Variants in CAGE1 observed in about 807,000 individuals in gnomAD.
CAGE1 encodes cancer antigen 1.
A neutral mutation model predicts 94.9 loss-of-function variants in CAGE1; 66 were observed. The ratio of observed to expected loss-of-function variants is 0.70; its 90% CI spans 0.57 to 0.85. The LOEUF is 0.85. CAGE1 is among the 40% of genes least tolerant of loss of function. CAGE1 has a pLI of 0.00. For synonymous variants in CAGE1, 319 were observed against 321.0 expected (o/e 0.99, Z 0.07); for missense variants, 865 against 950.4 (o/e 0.91, Z 1.18).
chr6:7,375,302 G>T (rs1209105872), intron 4 of CAGE1, among the ~76,000 whole-genome samples: 1 of 151,402 alleles, frequency 6.6e-6, no homozygotes, highest in Non-Finnish European at 1.5e-5. Flanking sequence ...CCAGCTACTC[G>T]GGAGGCTGAG....
chr6:7,372,998 C>A, intron 5 of CAGE1, 75 bp downstream of exon 5: 3 of 1,016,694 alleles, frequency 3.0e-6, no homozygotes, highest in African/African-American at 3.2e-5. Flanking sequence ...ATAAGTGCCA[C>A]GTCTAAATAC....
chr6:7,358,025 G>GAGATATAGATAT (rs1377236818), intron 9 of CAGE1, among the ~76,000 whole-genome samples: 4 of 20,300 alleles, frequency 2.0e-4, no homozygotes, highest in African/African-American at 6.3e-4. Context: ...GGTAAGTTTT[G>GAGATATAGATAT]AGATATATAT....
chr6:7,336,278 G>A (rs1377454862), intron 11 of CAGE1, among the ~76,000 whole-genome samples: 1 of 152,216 alleles, frequency 6.6e-6, no homozygotes, highest in East Asian at 1.9e-4. Context: ...TTTTCCAAGT[G>A]TGCAACATAG....
intron 11 of CAGE1, among the ~76,000 whole-genome samples, chr6:7,348,102 T>C (rs2147704): frequency 1 from 152,235 of 152,252 alleles, 76,109 homozygotes; most frequent in Middle Eastern, 1. Context: ...TGCCACCTCC[T>C]CACAGGAGGC....
chr6:7,329,372 T>C (rs928090243), intron 13 of CAGE1: 10 of 338,626 alleles, frequency 3.0e-5, no homozygotes, highest in Non-Finnish European at 5.3e-5. Context: ...TAAGACTGGA[T>C]AGGAGGGCTG....
rs1196705306 is a variant in CAGE1 at position 7,373,574 on chromosome 6, A to C, written c.1245T>G (p.Ala415=). The C allele has an allele frequency of 1.9e-6, 3 of 1,613,392 alleles. No individual in the cohort carries two copies. The East Asian group carries it at 6.7e-5, about 36-fold the overall frequency. Residue 415 remains alanine, a synonymous_variant, in exon 5 of 14, where the codon GCT becomes GCG. Transcript: ENST00000502583. ...ACCTTTCCTGTAAACACACATAATT[A>C]GCCTTGATCTTCTTAAATTGAAGCT... ...MLQLQFKKIK[A]NYVCLQERYM...
intron 13 of CAGE1, among the ~76,000 whole-genome samples, chr6:7,328,930 A>G (rs1457593328): frequency 1.2e-5 from 1 of 85,588 alleles, no homozygotes; most frequent in East Asian, 3.8e-4. Flanking sequence ...ATATATATAT[A>G]TATATTTTTT....
intron 9 of CAGE1, among the ~76,000 whole-genome samples, 164 bp downstream of exon 9, chr6:7,365,304 C>G (rs1760288117): frequency 6.6e-6 from 1 of 152,156 alleles, no homozygotes; most frequent in Non-Finnish European, 1.5e-5. Flanking sequence ...CCCCAAAATG[C>G]AAACTTCGAT....
intron 3 of CAGE1, among the ~76,000 whole-genome samples, chr6:7,384,539 G>A (rs1469263386): frequency 6.6e-6 from 1 of 152,110 alleles, no homozygotes; most frequent in Non-Finnish European, 1.5e-5. Flanking sequence ...CACCGAGGCA[G>A]GAGACTCACT....
chr6:7,383,658 T>C (rs765273269), intron 3 of CAGE1, among the ~76,000 whole-genome samples: 60 of 152,336 alleles, frequency 3.9e-4, no homozygotes, highest in Non-Finnish European at 6.9e-4. Context: ...CAAAATTGTA[T>C]TGGGTATTTT....
intron 11 of CAGE1, among the ~76,000 whole-genome samples, chr6:7,342,561 G>A (rs1204900951): frequency 1.3e-5 from 2 of 152,178 alleles, no homozygotes; most frequent in Non-Finnish European, 2.9e-5. Context: ...CTCTGTCTCT[G>A]TTTTCACTTA....
intron 1 of CAGE1, among the ~76,000 whole-genome samples, 200 bp downstream of exon 1, chr6:7,389,002 G>C (rs1202348589): frequency 1.3e-5 from 2 of 152,150 alleles, no homozygotes; most frequent in Admixed American, 6.5e-5. Context: ...TTAATTTAAA[G>C]TTAGACTATT....
chr6:7,339,281 C>G lies in CAGE1; in HGVS notation c.2370-5191G>C. The G allele has an allele frequency of 2.5e-6, 4 of 1,588,770 alleles. No individual in the cohort carries two copies. Among genetic ancestry groups the G allele is most frequent in the Non-Finnish European group, 3.5e-6 (4 of 1,157,802 alleles). Reference sequence around the variant, plus strand: ...GAGACTCTGCCTGGGCAATGGCACACAGACCCCTAGTGGCCACCTCTTCAG... The same window carrying G: ...GAGACTCTGCCTGGGCAATGGCACAGAGACCCCTAGTGGCCACCTCTTCAG... On this transcript the variant is annotated intron_variant, in intron 11 of 13. Transcript: ENST00000502583. The surrounding 1 kb of genome is among the most constrained non-coding windows in gnomAD (Gnocchi z 4.7).
intron 2 of CAGE1, 99 bp from the exon 3 acceptor site, chr6:7,385,971 T>G: frequency 1.7e-6 from 1 of 602,914 alleles, no homozygotes. Context: ...TTAGAATATT[T>G]CATTACATAG....
chr6:7,338,773 A>G (rs575024742), intron 11 of CAGE1: 2 of 743,824 alleles, frequency 2.7e-6, no homozygotes, highest in African/African-American at 1.7e-5. Context: ...TCTTTGTACA[A>G]TATTTTATAA....
In CAGE1 at chr6:7,373,923, A is replaced by C. The variant is rs1370952597; in HGVS notation, c.896T>G (p.Val299Gly). ...WEQSAESLQP[V>G]QEDMALNEVL... ...TTCATTTAAAGCCATGTCCTCTTGA[A>C]CAGGTTGTAAGCTTTCAGCACTTTG... The change falls in exon 5 of 14, where the codon GTT becomes GGT. Residue 299 changes from valine (V) to glycine (G), a missense_variant. By Grantham distance (109) the Val-to-Gly change is moderately radical. Coordinates refer to ENST00000502583, the MANE Select transcript of CAGE1 (RefSeq NM_001170692.2). The C allele has an allele frequency of 6.2e-7, 1 of 1,613,984 alleles. No individual in the cohort carries two copies. The highest frequency in any genetic ancestry group is 1.1e-5 in the South Asian group (1 of 91,084).
At position 7,373,484 on chromosome 6, in the gene CAGE1, T is replaced by G; in HGVS notation, c.1335A>C (p.Leu445Phe). ...TCTCTACCTCTTCTTCTTTCTTGCT[T>G]AAGGTTTTGTCCATCTCTAAATACT... ...VSQYLEMDKT[L>F]SKKEEEVERL... is the part of the protein sequence containing the mutation. Residue 445 changes from leucine to phenylalanine, a missense_variant, in exon 5 of 14, where the codon TTA (leucine) becomes TTC (phenylalanine). Leu to Phe is a conservative substitution (Grantham distance 22, BLOSUM62 0). Transcript: ENST00000502583. 1 of 1,613,940 alleles carries G rather than the reference T, an allele frequency of 6.2e-7. No individual in the cohort carries two copies. Among genetic ancestry groups the G allele is most frequent in the Non-Finnish European group, 8.5e-7 (1 of 1,179,864 alleles).
intron 11 of CAGE1, among the ~76,000 whole-genome samples, chr6:7,350,078 A>G (rs150930531): frequency 0.033 from 4,994 of 152,310 alleles, 135 homozygotes; most frequent in Non-Finnish European, 0.054. Context: ...ATTTCATGCA[A>G]ATGGACACCA....
At chr6:7,365,356 G>T in intron 9 of CAGE1, 112 bp downstream of exon 9, 1 of 763,506 alleles carries the variant, frequency 1.3e-6, no homozygotes, top group Non-Finnish European at 2.1e-6. Flanking sequence ...TGATGCCAGT[G>T]TGTGACCCTT....
Sources: allele counts gnomAD v4.1 joint callset (sites outside exome capture counted in the v4.1 genomes callset), GRCh38; gene constraint gnomAD v4.1.1; non-coding constraint Gnocchi (gnomAD v3.1); transcripts MANE v1.5; gene names NCBI Gene and HGNC (gene_info 2026-07-23, HGNC 2026-07-21).